STEAP3: variants seen among roughly 807,000 people sequenced by gnomAD.
The protein encoded by STEAP3 is STEAP3 metalloreductase, also known as metalloreductase STEAP3.
STEAP3 carries 35 observed loss-of-function variants against 34.9 expected under a neutral mutation model. The observed-to-expected ratio is 1.00, with a 90% confidence interval of 0.76 to 1.33. The LOEUF is 1.33. STEAP3 is among the 40% of genes most tolerant of loss of function. The pLI is 0.00. For synonymous variants in STEAP3, 281 were observed against 301.6 expected (o/e 0.93, Z 0.71); for missense variants, 652 against 667.6 (o/e 0.98, Z 0.26).
chr2:119,240,811 A>G (rs112324572), intron 2 of STEAP3, among the ~76,000 whole-genome samples: 1 of 152,254 alleles, frequency 6.6e-6, no homozygotes, highest in Non-Finnish European at 1.5e-5. Flanking sequence ...CTCCCTCTCC[A>G]GTTCTATAAA....
intron 5 of STEAP3, among the ~76,000 whole-genome samples, chr2:119,260,319 TC>T (rs1369996503): frequency 3.0e-4 from 37 of 121,790 alleles, no homozygotes; most frequent in African/African-American, 7.4e-4. Flanking sequence ...TTTTTTTTTT[TC>T]TTTTTTTTTG....
chr2:119,244,019 G>C (rs568687270), intron 2 of STEAP3, among the ~76,000 whole-genome samples: 1 of 152,116 alleles, frequency 6.6e-6, no homozygotes, highest in Non-Finnish European at 1.5e-5. Flanking sequence ...TGAAGCTTGT[G>C]GACTTCTGCT....
intron 2 of STEAP3, chr2:119,245,008 G>T (rs1020737711): frequency 6.1e-6 from 1 of 163,164 alleles, no homozygotes; most frequent in African/African-American, 2.4e-5. Context: ...AGCATAAGAA[G>T]AACTGCTCCA....
rs550682794 is a variant in STEAP3, at chr2:119,224,933, A to G, written c.-394+1045A>G. Reference sequence around the variant, plus strand: ...GAGAGTCCACGTATTTTGCAAGGATACACAGCTAGGAAGTTGCAGAAGTAG... The same window carrying G: ...GAGAGTCCACGTATTTTGCAAGGATGCACAGCTAGGAAGTTGCAGAAGTAG... On this transcript the variant is annotated intron_variant, in intron 1 of 5. Coordinates refer to ENST00000393110, the MANE Select transcript of STEAP3 (RefSeq NM_182915.3). Among the ~76,000 whole-genome samples the G allele has an allele frequency of 3.3e-5, 5 of 152,348 alleles. No homozygotes were observed. In the South Asian group the frequency reaches 1.0e-3, roughly 32 times the overall value.
chr2:119,255,002 C>T (rs897735653), intron 5 of STEAP3, among the ~76,000 whole-genome samples, 154 bp downstream of exon 5: 1 of 152,164 alleles, frequency 6.6e-6, no homozygotes, highest in African/African-American at 2.4e-5. Flanking sequence ...CCAGAGGGCC[C>T]ATCCAAGCCT....
chr2:119,237,600 G>T (rs1347624893), intron 2 of STEAP3, among the ~76,000 whole-genome samples: 1 of 152,172 alleles, frequency 6.6e-6, no homozygotes, highest in Non-Finnish European at 1.5e-5. Flanking sequence ...ACCAACATTG[G>T]TGTTACAAAA....
Position 119,245,870 on chromosome 2 carries a change from A to T in STEAP3, c.404A>T (p.His135Leu), listed in dbSNP as rs768343173. 1 of 1,614,174 alleles carries T rather than the reference A, an allele frequency of 6.2e-7. No homozygotes were observed. Among genetic ancestry groups the T allele is most frequent in the Non-Finnish European group, 8.5e-7 (1 of 1,180,042 alleles). Residue 135 changes from histidine to leucine, a missense_variant, in exon 3 of 6, where the codon CAT becomes CTT. Transcript: ENST00000393110. ...SNPTEQEHLQ[H>L]RESNAEYLAS... The stretch of plus-strand genomic sequence containing the variant: ...CCTACAGAGCAAGAGCACCTTCAGC[A>T]TCGTGAGTCCAATGCTGAGTACCTG...
intron 2 of STEAP3, among the ~76,000 whole-genome samples, chr2:119,240,750 G>A (rs1477420767): frequency 2.6e-5 from 4 of 152,216 alleles, no homozygotes; most frequent in Admixed American, 2.6e-4. Flanking sequence ...AGGCAGGTCT[G>A]CAGGCAGGAG....
intron 2 of STEAP3, among the ~76,000 whole-genome samples, chr2:119,243,256 C>T (rs1206278550): frequency 6.6e-6 from 1 of 152,238 alleles, no homozygotes; most frequent in Admixed American, 6.5e-5. Flanking sequence ...GAACACATGT[C>T]CCCTGACTCT....
intron 1 of STEAP3, among the ~76,000 whole-genome samples, chr2:119,225,613 T>C (rs1024853413): frequency 2.6e-5 from 4 of 152,256 alleles, no homozygotes; most frequent in African/African-American, 9.6e-5. Context: ...CTTGGACTTA[T>C]CAGAGACCAA....
rs1166281267 is a variant in STEAP3, at chr2:119,254,853, A to C, written c.1215+5A>C. 1 of 1,612,782 alleles carries C rather than the reference A, an allele frequency of 6.2e-7. No homozygotes were observed. The highest frequency in any genetic ancestry group is 1.3e-5 in the African/African-American group (1 of 74,910). On this transcript the variant is annotated splice_donor_5th_base_variant and intron_variant, in intron 5 of 5. Transcript: ENST00000393110. ...AGGGAGTTCAGCTTCGTTCAGGTAA[A>C]GTAGTCTCTAGTCTGCCAGCCAGCT...
In STEAP3 at chr2:119,263,631, C is replaced by T. The variant is rs1186891756; in HGVS notation, c.*293C>T. Reference sequence around the variant, plus strand: ...TGTAGATTTAAAAACAAGTGCCGTACGTTAAGAGAAGAGCAGATCATGCTA... The same window carrying T: ...TGTAGATTTAAAAACAAGTGCCGTATGTTAAGAGAAGAGCAGATCATGCTA... On this transcript the variant is annotated 3_prime_UTR_variant, in exon 6 of 6. Coordinates refer to ENST00000393110, the MANE Select transcript of STEAP3 (RefSeq NM_182915.3). 4 of 491,698 alleles carry T rather than the reference C, an allele frequency of 8.1e-6. No individual in the cohort carries two copies. The highest frequency in any genetic ancestry group is 1.5e-5 in the Non-Finnish European group (4 of 270,736). 30.5% of individuals were successfully genotyped at this position (491,698 alleles called of 1,614,324 possible).
intron 1 of STEAP3, among the ~76,000 whole-genome samples, chr2:119,225,923 A>G (rs1406448979): frequency 6.6e-6 from 1 of 152,264 alleles, no homozygotes. Flanking sequence ...TTAGGAGTGC[A>G]GTAAATATCG....
chr2:119,234,283 G>A (rs1179488368), intron 2 of STEAP3, among the ~76,000 whole-genome samples: 7 of 152,216 alleles, frequency 4.6e-5, no homozygotes, highest in Non-Finnish European at 8.8e-5. Flanking sequence ...CAGCCCACAA[G>A]ACCCACCAGT....
chr2:119,234,840 C>G (rs183924255), intron 2 of STEAP3, among the ~76,000 whole-genome samples: 1 of 152,338 alleles, frequency 6.6e-6, no homozygotes, highest in Non-Finnish European at 1.5e-5. Context: ...CTGCTTCAAG[C>G]CCCTGGCCTT....
intron 2 of STEAP3, among the ~76,000 whole-genome samples, chr2:119,239,828 A>G (rs567337282): frequency 6.6e-6 from 1 of 152,188 alleles, no homozygotes; most frequent in Admixed American, 6.5e-5. Flanking sequence ...GGGGCTTCTT[A>G]AGGCTCATTC....
intron 4 of STEAP3, 44 bp downstream of exon 4, chr2:119,248,250 G>A (rs904862486): frequency 1.3e-6 from 2 of 1,511,036 alleles, no homozygotes; most frequent in African/African-American, 1.4e-5. Flanking sequence ...CTCAGCACAT[G>A]CTTGTCCAGC....
chr2:119,259,045 C>T lies in STEAP3; in HGVS notation c.1216-4012C>T, dbSNP rs544619134. 4.0e-4 allele frequency among the ~76,000 whole-genome samples: 61 copies of T among 151,796 alleles called. 1 individual carries two copies. Among genetic ancestry groups the T allele is most frequent in the African/African-American group, 9.0e-4 (37 of 41,190 alleles). On this transcript the variant is annotated intron_variant, in intron 5 of 5. Coordinates refer to ENST00000393110, the MANE Select transcript of STEAP3 (RefSeq NM_182915.3). ...AAAATACTCCAGTCAGAGCAGCTCA[C>T]CTGCGCAGAAAAATGAGGGTTCAGC...
chr2:119,236,727 C>T (rs571491390), intron 2 of STEAP3, among the ~76,000 whole-genome samples: 1 of 152,320 alleles, frequency 6.6e-6, no homozygotes, highest in Non-Finnish European at 1.5e-5. Flanking sequence ...TATAAACCCT[C>T]AGCCATGTGG....
Sources: gnomAD v4.1 joint callset for allele counts (sites outside exome capture counted in the v4.1 genomes callset) on GRCh38, gnomAD v4.1.1 for gene constraint, MANE v1.5 for transcripts, NCBI Gene and HGNC (gene_info 2026-07-23, HGNC 2026-07-21) for gene names.